The following CDH13 variants were observed in gnomAD, a reference collection of about 807,000 sequenced individuals.
CDH13 encodes the protein cadherin 13, also known as cadherin-13.
A neutral mutation model predicts 63.8 loss-of-function variants in CDH13; 24 were observed. The observed-to-expected ratio is 0.38, with a 90% confidence interval of 0.27 to 0.53. The LOEUF is 0.53. Among genes scored for constraint, CDH13 ranks in the 20% least tolerant of loss-of-function variants. The pLI is 0.85. For missense variants in CDH13, 1,049 were observed against 903.1 expected (o/e 1.16, Z -2.07); for synonymous variants, 503 against 355.3 (o/e 1.42, Z -4.67).
At chr16:83,451,403 C>T (rs1318630507) in intron 6 of CDH13, among the ~76,000 whole-genome samples, 1 of 152,194 alleles carries the variant, frequency 6.6e-6, no homozygotes, top group African/African-American at 2.4e-5. Flanking sequence ...ATACCTGCCC[C>T]CATGATTTAG....
At chr16:82,720,716 T>G (rs2032717516) in intron 1 of CDH13, among the ~76,000 whole-genome samples, 1 of 152,032 alleles carries the variant, frequency 6.6e-6, no homozygotes, top group Admixed American at 6.6e-5. Context: ...AAAACAACAT[T>G]GAAGAAAACA....
At chr16:83,733,451 C>A (rs1216076176) in intron 10 of CDH13, among the ~76,000 whole-genome samples, 1 of 152,140 alleles carries the variant, frequency 6.6e-6, no homozygotes, top group Non-Finnish European at 1.5e-5. Flanking sequence ...AGAGGGAGGT[C>A]CCGTCATCAC....
At chr16:83,160,547 C>T (rs1314349212) in intron 4 of CDH13, among the ~76,000 whole-genome samples, 2 of 152,094 alleles carry the variant, frequency 1.3e-5, no homozygotes, top group African/African-American at 4.8e-5. Flanking sequence ...GATCAAAGGG[C>T]ACATTTAGCA....
intron 6 of CDH13, among the ~76,000 whole-genome samples, chr16:83,379,938 T>TATATATATATATATATATATAGAG: frequency 5.7e-5 from 7 of 123,448 alleles, no homozygotes; most frequent in South Asian, 2.8e-4. Flanking sequence ...TATATATATA[T>TATATATATATATATATATATAGAG]AGAGAGAGAG....
At chr16:83,200,486 T>C (rs2038993792) in intron 4 of CDH13, among the ~76,000 whole-genome samples, 1 of 152,156 alleles carries the variant, frequency 6.6e-6, no homozygotes, top group Admixed American at 6.6e-5. Context: ...CACTTTTCTC[T>C]CAAATGTTTT....
intron 10 of CDH13, among the ~76,000 whole-genome samples, chr16:83,742,046 G>A (rs952552528): frequency 2.0e-5 from 3 of 152,236 alleles, no homozygotes; most frequent in Non-Finnish European, 2.9e-5. Flanking sequence ...CTCACAGAAA[G>A]CGAGTGACCC....
intron 4 of CDH13, among the ~76,000 whole-genome samples, chr16:83,174,813 A>C (rs76297532): frequency 0.02 from 3,009 of 152,220 alleles, 103 homozygotes; most frequent in African/African-American, 0.069. Flanking sequence ...AGGAGAAACA[A>C]GGCACATCTT....
chr16:83,423,144 A>G (rs1472158035), intron 6 of CDH13, among the ~76,000 whole-genome samples: 2 of 152,182 alleles, frequency 1.3e-5, no homozygotes, highest in Non-Finnish European at 2.9e-5. Flanking sequence ...CTGTATGTAG[A>G]AATAACCAGG....
At chr16:83,041,439 G>T (rs1339100620) in intron 3 of CDH13, among the ~76,000 whole-genome samples, 3 of 152,020 alleles carry the variant, frequency 2.0e-5, no homozygotes, top group African/African-American at 4.8e-5. Flanking sequence ...GGAGCCACTT[G>T]GGAGAAACAG....
chr16:83,768,004 G>GA (rs1309230282), intron 11 of CDH13, among the ~76,000 whole-genome samples: 3 of 151,972 alleles, frequency 2.0e-5, no homozygotes, highest in African/African-American at 4.8e-5. Flanking sequence ...AGTAGAATTA[G>GA]AAAAAAATAT....
chr16:83,015,609 C>T (rs935781882), intron 2 of CDH13, among the ~76,000 whole-genome samples: 2 of 139,298 alleles, frequency 1.4e-5, no homozygotes, highest in Admixed American at 7.6e-5. Context: ...GATTCATTAT[C>T]GTAAATATCA....
intron 1 of CDH13, among the ~76,000 whole-genome samples, chr16:82,678,322 T>TC (rs1181351809): frequency 6.6e-6 from 1 of 151,642 alleles, no homozygotes. Context: ...GAAAAAACTT[T>TC]TTTTTTTTTT....
intron 4 of CDH13, among the ~76,000 whole-genome samples, chr16:83,131,182 A>ACACC (rs2036031184): frequency 1.2e-5 from 1 of 86,348 alleles, no homozygotes; most frequent in Non-Finnish European, 1.9e-5. Flanking sequence ...GGGGTGTATG[A>ACACC]CCCCCCCCCC....
chr16:83,410,118 A>G (rs1173038158), intron 6 of CDH13, among the ~76,000 whole-genome samples: 1 of 152,200 alleles, frequency 6.6e-6, no homozygotes, highest in Admixed American at 6.5e-5. Flanking sequence ...AGGTAATAAG[A>G]TTATGAGCAT....
At chr16:83,582,440 A>T (rs72793482) in intron 7 of CDH13, among the ~76,000 whole-genome samples, 10,894 of 152,192 alleles carry the variant, frequency 0.072, 466 homozygotes, top group Non-Finnish European at 0.084. Flanking sequence ...GCCTTTCAAA[A>T]TTTAAGGTAC....
intron 1 of CDH13, among the ~76,000 whole-genome samples, chr16:82,801,567 G>T (rs567478210): frequency 1.5e-4 from 23 of 152,288 alleles, no homozygotes; most frequent in African/African-American, 5.3e-4. Flanking sequence ...GAACAGCAAG[G>T]TTACTACTGG....
chr16:83,115,722 A>G (rs7188901), intron 3 of CDH13, among the ~76,000 whole-genome samples: 29,025 of 152,226 alleles, frequency 0.19, 3,115 homozygotes, highest in African/African-American at 0.28. Flanking sequence ...TTGCCTTGCT[A>G]AAAATATCTC....
chr16:83,399,021 C>T (rs2091928622), intron 6 of CDH13, among the ~76,000 whole-genome samples: 1 of 152,186 alleles, frequency 6.6e-6, no homozygotes, highest in Admixed American at 6.5e-5. Context: ...ATGAAGCTAA[C>T]ACTCAAAGCC....
chr16:82,934,908 A>T (rs1406654664), intron 2 of CDH13, among the ~76,000 whole-genome samples: 1 of 152,120 alleles, frequency 6.6e-6, no homozygotes, highest in South Asian at 2.1e-4. Context: ...TAAGTTCCAA[A>T]CTTTACCACA....
Sources: gnomAD v4.1 joint callset for allele counts (sites outside exome capture counted in the v4.1 genomes callset) on GRCh38, gnomAD v4.1.1 for gene constraint, MANE v1.5 for transcripts, NCBI Gene and HGNC (gene_info 2026-07-23, HGNC 2026-07-21) for gene names.